Variants in SKAP1 observed in about 807,000 individuals in gnomAD.
SKAP1 encodes the protein src kinase associated phosphoprotein 1, also known as src kinase-associated phosphoprotein 1.
Under a neutral mutation model 58.5 loss-of-function variants are expected in SKAP1, and 44 were observed. The ratio of observed to expected loss-of-function variants is 0.75; its 90% CI spans 0.59 to 0.97. The LOEUF is 0.97. Among genes scored for constraint, SKAP1 ranks in the 50% least tolerant of loss-of-function variants. The probability of loss-of-function intolerance (pLI) is 0.00; values close to 1 mark genes in which losing one functional copy is unlikely to be tolerated. For synonymous variants in SKAP1, 127 were observed against 149.7 expected, an observed-to-expected ratio of 0.85 and a Z score of 1.11; for missense variants, 390 against 435.2, an observed-to-expected ratio of 0.90 and a Z score of 0.92.
intron 4 of SKAP1, among the ~76,000 whole-genome samples, chr17:48,219,407 C>G (rs2064976287): frequency 6.6e-6 from 1 of 152,190 alleles, no homozygotes; most frequent in Non-Finnish European, 1.5e-5. Flanking sequence ...AATAAAGCAC[C>G]AGTTCTGCCT....
intron 4 of SKAP1, among the ~76,000 whole-genome samples, chr17:48,339,638 C>A (rs1359593645): frequency 6.6e-6 from 1 of 152,062 alleles, no homozygotes; most frequent in Non-Finnish European, 1.5e-5. Context: ...GTAAAGCAGC[C>A]CTAAATTATG....
intron 4 of SKAP1, among the ~76,000 whole-genome samples, chr17:48,321,367 T>C (rs2066362074): frequency 6.8e-6 from 1 of 146,162 alleles, no homozygotes; most frequent in Admixed American, 6.8e-5. Context: ...ATTATTATTA[T>C]TATTATTATT....
chr17:48,229,577 T>C (rs1370800678), intron 4 of SKAP1, among the ~76,000 whole-genome samples: 1 of 152,050 alleles, frequency 6.6e-6, no homozygotes, highest in Non-Finnish European at 1.5e-5. Context: ...GCTGAGATCA[T>C]GCCACTGCAC....
chr17:48,423,325 G>T (rs1282799939), intron 1 of SKAP1, among the ~76,000 whole-genome samples: 1 of 152,176 alleles, frequency 6.6e-6, no homozygotes. Flanking sequence ...TAGAGGCTTA[G>T]TTGAGGGGAG....
At chr17:48,381,151 G>A (rs2067209827) in intron 2 of SKAP1, among the ~76,000 whole-genome samples, 1 of 152,128 alleles carries the variant, frequency 6.6e-6, no homozygotes, top group Non-Finnish European at 1.5e-5. Flanking sequence ...AGTGGCCTCA[G>A]CCCTTGTGCC....
At chr17:48,288,964 C>T (rs1236641098) in intron 4 of SKAP1, among the ~76,000 whole-genome samples, 3 of 152,192 alleles carry the variant, frequency 2.0e-5, no homozygotes, top group East Asian at 1.9e-4. Context: ...TGAAGCTGAA[C>T]GCTGCTATGC....
chr17:48,325,991 T>A (rs1250390386), intron 4 of SKAP1, among the ~76,000 whole-genome samples: 1 of 152,218 alleles, frequency 6.6e-6, no homozygotes, highest in African/African-American at 2.4e-5. Flanking sequence ...CAAACACACT[T>A]TGTATTGTCA....
At chr17:48,341,546 T>C (rs1369577779) in intron 4 of SKAP1, among the ~76,000 whole-genome samples, 1 of 152,220 alleles carries the variant, frequency 6.6e-6, no homozygotes, top group Non-Finnish European at 1.5e-5. Flanking sequence ...CAGAATATTC[T>C]CTATATTTTT....
At chr17:48,291,452 T>C (rs956136835) in intron 4 of SKAP1, among the ~76,000 whole-genome samples, 2 of 152,184 alleles carry the variant, frequency 1.3e-5, no homozygotes, top group Non-Finnish European at 1.5e-5. Context: ...AGGTTCCTAT[T>C]GAACAACAGC....
chr17:48,189,294 T>A, intron 5 of SKAP1, 129 bp downstream of exon 5: 1 of 697,534 alleles, frequency 1.4e-6, no homozygotes, highest in South Asian at 2.0e-5. Flanking sequence ...CTTTCCTTGC[T>A]TTGCTTTTGC....
At chr17:48,276,985 G>A (rs2065708916) in intron 4 of SKAP1, among the ~76,000 whole-genome samples, 1 of 152,200 alleles carries the variant, frequency 6.6e-6, no homozygotes, top group Admixed American at 6.5e-5. Context: ...TGGAAATAGT[G>A]TCTGTGATTA....
At chr17:48,263,101 G>T (rs570555656) in intron 4 of SKAP1, among the ~76,000 whole-genome samples, 1 of 152,008 alleles carries the variant, frequency 6.6e-6, no homozygotes, top group African/African-American at 2.4e-5. Context: ...CCTCAAAATT[G>T]TACCTACTTA....
At chr17:48,307,763 G>C (rs900869125) in intron 4 of SKAP1, 8 of 152,088 alleles carry the variant, frequency 5.3e-5, no homozygotes, top group Middle Eastern at 3.4e-3. Flanking sequence ...TTGTGTGGGG[G>C]TCTTAATAAT....
chr17:48,363,487 T>C (rs1237538849), intron 3 of SKAP1, among the ~76,000 whole-genome samples: 1 of 152,190 alleles, frequency 6.6e-6, no homozygotes, highest in African/African-American at 2.4e-5. Flanking sequence ...ACCATTTTAT[T>C]TGAATGCTAC....
At chr17:48,240,644 C>T (rs1302736808) in intron 4 of SKAP1, among the ~76,000 whole-genome samples, 2 of 152,202 alleles carry the variant, frequency 1.3e-5, no homozygotes, top group Admixed American at 1.3e-4. Flanking sequence ...CCACCCTTCA[C>T]ACATGGGCAA....
At chr17:48,436,273 C>G in the SKAP1 span, among the ~76,000 whole-genome samples, 1 of 152,064 alleles carries the variant, frequency 6.6e-6, no homozygotes, top group Non-Finnish European at 1.5e-5. Flanking sequence ...GGTTTCACCA[C>G]GTTGGCCAGG....
At chr17:48,370,595 C>A (rs1305378904) in intron 2 of SKAP1, among the ~76,000 whole-genome samples, 1 of 152,114 alleles carries the variant, frequency 6.6e-6, no homozygotes, top group East Asian at 1.9e-4. Flanking sequence ...CCACACCTGG[C>A]CAGAATGGTT....
intron 4 of SKAP1, among the ~76,000 whole-genome samples, chr17:48,295,225 C>G (rs1255821363): frequency 6.6e-6 from 1 of 152,184 alleles, no homozygotes; most frequent in Non-Finnish European, 1.5e-5. Flanking sequence ...AAGTTCAGCA[C>G]TGCTTTCTGA....
chr17:48,286,750 C>T (rs939448504), intron 4 of SKAP1, among the ~76,000 whole-genome samples: 1 of 152,210 alleles, frequency 6.6e-6, no homozygotes, highest in South Asian at 2.1e-4. Flanking sequence ...AATCAGCTTA[C>T]TAGTTGCTTC....
Sources: allele counts gnomAD v4.1 joint callset (sites outside exome capture counted in the v4.1 genomes callset), GRCh38; gene constraint gnomAD v4.1.1; transcripts MANE v1.5; gene names NCBI Gene and HGNC (gene_info 2026-07-23, HGNC 2026-07-21).